The following AGBL3 variants were observed in gnomAD, a reference collection of about 807,000 sequenced individuals.
The protein encoded by AGBL3 is cytosolic carboxypeptidase 3.
AGBL3 carries 68 observed loss-of-function variants against 94.5 expected under a neutral mutation model. The ratio of observed to expected loss-of-function variants is 0.72; its 90% confidence interval spans 0.59 to 0.88. The LOEUF is 0.88. Ranked by LOEUF, AGBL3 falls within the 40% of genes least tolerant of loss-of-function variation. The pLI is 0.00. For synonymous variants in AGBL3, 354 were observed against 370.7 expected (o/e 0.95, Z 0.52); for missense variants, 934 against 1,103.8 (o/e 0.85, Z 2.18).
intron 15 of AGBL3, chr7:135,094,571 C>T (rs1262109115): frequency 4.4e-6 from 2 of 456,032 alleles, no homozygotes; most frequent in Admixed American, 2.4e-5. Context: ...CAAGAAAGAC[C>T]TCTTAGTTGC....
At chr7:135,077,844 C>T (rs1041372424) in intron 13 of AGBL3, among the ~76,000 whole-genome samples, 2 of 152,322 alleles carry the variant, frequency 1.3e-5, no homozygotes, top group East Asian at 3.9e-4. Context: ...GATCACCAGT[C>T]TCAGGTGTTT....
chr7:135,049,586 C>G (rs1236406500), intron 11 of AGBL3, among the ~76,000 whole-genome samples: 2 of 151,968 alleles, frequency 1.3e-5, no homozygotes, highest in Non-Finnish European at 2.9e-5. Flanking sequence ...CTGATTAAAT[C>G]TCCATAATAG....
chr7:135,063,867 C>G (rs1563229582), intron 12 of AGBL3, among the ~76,000 whole-genome samples: 1 of 152,184 alleles, frequency 6.6e-6, no homozygotes, highest in Non-Finnish European at 1.5e-5. Flanking sequence ...CATGTATTTT[C>G]TTGTTCATGA....
intron 4 of AGBL3, among the ~76,000 whole-genome samples, chr7:135,008,618 GA>G (rs34573898): frequency 0.1 from 14,840 of 143,794 alleles, 914 homozygotes; most frequent in Middle Eastern, 0.21. Context: ...AGCAACAACT[GA>G]AAAAAAAAAA....
intron 15 of AGBL3, among the ~76,000 whole-genome samples, chr7:135,114,358 G>T (rs1585196562): frequency 1.3e-5 from 2 of 152,072 alleles, no homozygotes; most frequent in African/African-American, 4.8e-5. Context: ...GCCAGCACTT[G>T]TTATTTTCTG....
intron 15 of AGBL3, among the ~76,000 whole-genome samples, chr7:135,098,665 G>A (rs191148672): frequency 1.8e-4 from 27 of 152,194 alleles, no homozygotes; most frequent in Admixed American, 9.8e-4. Flanking sequence ...AGGGAATTTC[G>A]CATTTAAGTG....
intron 11 of AGBL3, among the ~76,000 whole-genome samples, chr7:135,052,444 G>A (rs1012715430): frequency 3.3e-5 from 5 of 152,134 alleles, no homozygotes; most frequent in East Asian, 1.9e-4. Flanking sequence ...CCATAGATTC[G>A]GGGGGCTATA....
At chr7:135,031,925 A>G (rs1159447354) in intron 5 of AGBL3, among the ~76,000 whole-genome samples, 1 of 152,182 alleles carries the variant, frequency 6.6e-6, no homozygotes, top group Non-Finnish European at 1.5e-5. Context: ...TCCAAGGACT[A>G]GGAAACCGCT....
At chr7:134,997,071 C>G (rs1811101886) in intron 4 of AGBL3, among the ~76,000 whole-genome samples, 1 of 152,162 alleles carries the variant, frequency 6.6e-6, no homozygotes, top group African/African-American at 2.4e-5. Flanking sequence ...GATAATTTTT[C>G]TGTAGATGTT....
chr7:135,100,701 T>C (rs1563265221), intron 15 of AGBL3, among the ~76,000 whole-genome samples: 1 of 152,238 alleles, frequency 6.6e-6, no homozygotes, highest in Admixed American at 6.5e-5. Context: ...ATTGGTTATT[T>C]TAAACTGACT....
intron 5 of AGBL3, among the ~76,000 whole-genome samples, chr7:135,025,581 G>T (rs10274011): frequency 0.93 from 140,648 of 151,200 alleles, 66,219 homozygotes; most frequent in Non-Finnish European, 1. Flanking sequence ...GATTAAAATC[G>T]CATATATTAA....
rs761309692 is a variant in AGBL3 at position 135,034,415 on chromosome 7, G to C, written c.824G>C (p.Arg275Pro). The change falls in exon 7 of 17, where the codon CGC becomes CCC. Residue 275 changes from arginine (R) to proline (P), a missense_variant. Physicochemically the swap from Arg to Pro is moderately radical, Grantham distance 103 (BLOSUM62 -2). Coordinates refer to ENST00000436302, the MANE Select transcript of AGBL3 (RefSeq NM_178563.4). ...AGGAACAACCCAGGCCAAGATGGGC[G>C]CCATTATTTCTCTCTTACATGGACA... Reference protein sequence around the residue: ...YYRNNPGQDGRHYFSLTWTFQ... With the variant: ...YYRNNPGQDGPHYFSLTWTFQ... The C allele has an allele frequency of 1.3e-6, 2 of 1,551,526 alleles. No individual in the cohort carries two copies. Among genetic ancestry groups the C allele is most frequent in the East Asian group, 4.9e-5 (2 of 40,936 alleles).
At chr7:135,070,362 C>T (rs566281614) in intron 12 of AGBL3, among the ~76,000 whole-genome samples, 1 of 152,322 alleles carries the variant, frequency 6.6e-6, no homozygotes, top group South Asian at 2.1e-4. Flanking sequence ...GGAATCCTCC[C>T]TAACTCATTT....
chr7:135,031,290 C>T (rs1177888044), intron 5 of AGBL3, among the ~76,000 whole-genome samples: 1 of 152,056 alleles, frequency 6.6e-6, no homozygotes, highest in African/African-American at 2.4e-5. Flanking sequence ...GATGAAGTCT[C>T]GCTCTGTCGC....
intron 4 of AGBL3, chr7:135,010,240 A>G (rs746725164): frequency 1.0e-5 from 3 of 291,496 alleles, no homozygotes; most frequent in South Asian, 8.3e-5. Context: ...GTTGGCCAGG[A>G]TGGTCTCCGT....
At chr7:135,124,304 G>T (rs572103311) in intron 16 of AGBL3, among the ~76,000 whole-genome samples, 2 of 152,014 alleles carry the variant, frequency 1.3e-5, no homozygotes, top group East Asian at 3.9e-4. Flanking sequence ...ACAAAGAAGG[G>T]TATTACATAA....
chr7:135,067,286 C>T (rs1239864745), intron 12 of AGBL3, among the ~76,000 whole-genome samples: 2 of 152,260 alleles, frequency 1.3e-5, no homozygotes, highest in African/African-American at 2.4e-5. Context: ...GGCCTGCCTA[C>T]CTCTGTAGAC....
At chr7:135,051,405 G>T (rs1403548919) in intron 11 of AGBL3, among the ~76,000 whole-genome samples, 1 of 151,944 alleles carries the variant, frequency 6.6e-6, no homozygotes, top group Non-Finnish European at 1.5e-5. Context: ...CAATTAAATT[G>T]GCCTGTGTTT....
intron 15 of AGBL3, among the ~76,000 whole-genome samples, chr7:135,091,854 T>C (rs934279143): frequency 6.6e-6 from 1 of 152,196 alleles, no homozygotes; most frequent in Non-Finnish European, 1.5e-5. Context: ...TTTAATAAGA[T>C]TCAAACAGTT....
Sources: allele counts gnomAD v4.1 joint callset (sites outside exome capture counted in the v4.1 genomes callset), GRCh38; gene constraint gnomAD v4.1.1; transcripts MANE v1.5; gene names NCBI Gene and HGNC (gene_info 2026-07-23, HGNC 2026-07-21).